The following CBLN1 variants were observed in gnomAD, a reference collection of about 807,000 sequenced individuals.
CBLN1 encodes the protein cerebellin 1 precursor, also known as cerebellin-1.
Under a neutral mutation model 15.9 loss-of-function variants are expected in CBLN1, and 5 were observed. That is an observed-to-expected ratio of 0.31 (90% CI 0.16 to 0.66). The LOEUF (loss-of-function observed/expected upper bound fraction) is 0.66, where lower values mean the gene tolerates loss of function less well. Among genes scored for constraint, CBLN1 ranks in the 30% least tolerant of loss-of-function variants. The probability of loss-of-function intolerance (pLI) is 0.75; values close to 1 mark genes in which losing one functional copy is unlikely to be tolerated. For synonymous variants in CBLN1, 90 were observed against 107.6 expected (o/e 0.84, Z 1.01); for missense variants, 164 against 253.7 (o/e 0.65, Z 2.40).
intron 2 of CBLN1, among the ~76,000 whole-genome samples, chr16:49,280,167 G>A (rs1201020717): frequency 1.3e-5 from 2 of 152,126 alleles, no homozygotes; most frequent in Non-Finnish European, 2.9e-5. Flanking sequence ...CAAACCACGG[G>A]CTCAATTCCC....
intron 2 of CBLN1, 138 bp from the exon 3 acceptor site, chr16:49,279,739 T>C (rs1242270820): frequency 5.1e-6 from 3 of 589,094 alleles, no homozygotes; most frequent in Non-Finnish European, 8.8e-6. Context: ...GGGGGGCGAA[T>C]GGAGGAAAAG....
chr16:49,279,460 A>G lies in CBLN1; in HGVS notation c.526T>C (p.Leu176=). ...RAYLKLERGN[L]MGGWKYSTFS... is the part of the protein sequence containing the mutation. Reference sequence around the variant, plus strand: ...GTCGAGTACTTCCAGCCCCCCATCAAGTTTCCCCGCTCCAGCTTGAGGTAT... The same window carrying G: ...GTCGAGTACTTCCAGCCCCCCATCAGGTTTCCCCGCTCCAGCTTGAGGTAT... The change falls in exon 3 of 3, where the codon TTG becomes CTG. Residue 176 remains leucine (L), a synonymous_variant. Coordinates refer to ENST00000219197, the MANE Select transcript of CBLN1 (RefSeq NM_004352.4). The G allele has an allele frequency of 6.2e-7, 1 of 1,614,088 alleles. No individual in the cohort carries two copies. Among genetic ancestry groups the G allele is most frequent in the South Asian group, 1.1e-5 (1 of 91,076 alleles).
rs929436186 is a variant in CBLN1 at position 49,279,587 on chromosome 16, T to C, written c.399A>G (p.Leu133=). ...NRQTIQVSLM[L]NGWPVISAFA... Reference sequence around the variant, plus strand: ...AGGCTGAAATCACCGGCCACCCGTTTAGCATGAGGCTCACCTGAGAAAGAG... The same window carrying C: ...AGGCTGAAATCACCGGCCACCCGTTCAGCATGAGGCTCACCTGAGAAAGAG... Residue 133 remains leucine (L), a synonymous_variant, in exon 3 of 3, where the codon CTA becomes CTG. Coordinates refer to ENST00000219197, the MANE Select transcript of CBLN1 (RefSeq NM_004352.4). The C allele has an allele frequency of 6.2e-7, 1 of 1,614,188 alleles. No individual in the cohort carries two copies. Among genetic ancestry groups the C allele is most frequent in the Non-Finnish European group, 8.5e-7 (1 of 1,180,044 alleles).
chr16:49,281,776 T>A lies in CBLN1; in HGVS notation c.-311A>T. The stretch of plus-strand genomic sequence containing the variant: ...GCCGCCTCCTGCCCGCACCCGCCGC[T>A]GCCGCCGCCGCCGCCGCTCTGAATT... On this transcript the variant is annotated 5_prime_UTR_variant, in exon 1 of 3. Coordinates refer to ENST00000219197, the MANE Select transcript of CBLN1 (RefSeq NM_004352.4). The A allele has an allele frequency of 7.7e-6, 2 of 258,080 alleles. No individual in the cohort carries two copies. The highest frequency in any genetic ancestry group is 1.4e-5 in the Non-Finnish European group (2 of 138,608). 16.0% of individuals were successfully genotyped at this position (258,080 alleles called of 1,614,324 possible).
Position 49,279,527 on chromosome 16 carries a change from G to C in CBLN1, c.459C>G (p.Ala153=). Residue 153 remains alanine, a synonymous_variant, in exon 3 of 3, where the codon GCC becomes GCG. Transcript: ENST00000219197. ...CCATTTGGATTAGGACTCCGTTGCT[G>C]GCGGCCTCCCGGGTCACGTCCTGGT... ...AGDQDVTREA[A]SNGVLIQMEK... 6.2e-7 allele frequency: 1 copy of C among 1,614,216 alleles called. No homozygotes were observed. Among genetic ancestry groups the C allele is most frequent in the African/African-American group, 1.3e-5 (1 of 75,054 alleles).
chr16:49,279,289 G>T lies in CBLN1; in HGVS notation c.*115C>A. 1.1e-6 allele frequency: 1 copy of T among 914,256 alleles called. No individual in the cohort carries two copies. Among genetic ancestry groups the T allele is most frequent in the South Asian group, 1.6e-5 (1 of 63,426 alleles). 56.6% of individuals were successfully genotyped at this position (914,256 alleles called of 1,614,324 possible). ...ACCTTTTTACCCAGATACAGTTAGA[G>T]AACATGTAGGAAGTTTCAAGTCGTG... is the stretch of plus-strand genomic sequence containing the variant. On this transcript the variant is annotated 3_prime_UTR_variant, in exon 3 of 3. Coordinates refer to ENST00000219197, the MANE Select transcript of CBLN1 (RefSeq NM_004352.4).
Position 49,279,462 on chromosome 16 carries a change from T to A in CBLN1, c.524A>T (p.Asn175Ile). ...DRAYLKLERG[N>I]LMGGWKYSTF... ...CGAGTACTTCCAGCCCCCCATCAAG[T>A]TTCCCCGCTCCAGCTTGAGGTATGC... is the stretch of plus-strand genomic sequence containing the variant. Residue 175 changes from asparagine to isoleucine, a missense_variant, in exon 3 of 3, where the codon AAC (asparagine) becomes ATC (isoleucine). Asn to Ile is a moderately radical substitution (Grantham distance 149, BLOSUM62 -3). Around this residue, in one of 3 missense-constraint regions of CBLN1, gnomAD observed 29 missense variants for 38.0 expected, o/e 0.76. Coordinates refer to ENST00000219197, the MANE Select transcript of CBLN1 (RefSeq NM_004352.4). The A allele has an allele frequency of 6.2e-7, 1 of 1,614,160 alleles. No individual in the cohort carries two copies. The highest frequency in any genetic ancestry group is 8.5e-7 in the Non-Finnish European group (1 of 1,180,030).
At chr16:49,280,826 G>T in intron 2 of CBLN1, 97 bp downstream of exon 2, 1 of 1,399,558 alleles carries the variant, frequency 7.1e-7, no homozygotes, top group Non-Finnish European at 1.0e-6. Context: ...AGTACATGCA[G>T]CCGCCACTTC....
At chr16:49,281,095 C>T in intron 1 of CBLN1, 53 bp from the exon 2 acceptor site, 1 of 1,614,118 alleles carries the variant, frequency 6.2e-7, no homozygotes, top group South Asian at 1.1e-5. Context: ...CCCGGACTGT[C>T]GTCCCCGCGC....
intron 2 of CBLN1, among the ~76,000 whole-genome samples, chr16:49,280,455 G>T (rs1470876654): frequency 6.6e-6 from 1 of 152,190 alleles, no homozygotes. Context: ...GTCCGCACGG[G>T]GTGGGGATTG....
chr16:49,280,581 T>C (rs566697538), intron 2 of CBLN1, among the ~76,000 whole-genome samples: 1 of 152,226 alleles, frequency 6.6e-6, no homozygotes, highest in East Asian at 1.9e-4. Flanking sequence ...CGGTGCTTCC[T>C]GGGGAGTCCG....
chr16:49,281,487 G>GC lies in CBLN1; in HGVS notation c.-23dup. On this transcript the variant is annotated 5_prime_UTR_variant, in exon 1 of 3. Coordinates refer to ENST00000219197, the MANE Select transcript of CBLN1 (RefSeq NM_004352.4). ...GCATCGCGCCGCCGGCGCCCACCCC[G>GC]CCCCCCACCCCCAGGGCTGCTCGCG... The GC allele has an allele frequency of 2.4e-6, 3 of 1,245,404 alleles. No individual in the cohort carries two copies. Among genetic ancestry groups the GC allele is most frequent in the Middle Eastern group, 2.9e-4 (1 of 3,488 alleles). The allele number at this position is 1,245,404 out of a possible 1,614,324, so 77.1% of individuals were successfully genotyped here.
intron 2 of CBLN1, 51 bp downstream of exon 2, chr16:49,280,872 G>A (rs1963269271): frequency 1.2e-6 from 2 of 1,612,054 alleles, no homozygotes; most frequent in African/African-American, 1.3e-5. Flanking sequence ...GCACCCCTGA[G>A]GCCAGTAACC....
At chr16:49,281,066 G>A in intron 1 of CBLN1, 24 bp from the exon 2 acceptor site, 1 of 1,614,248 alleles carries the variant, frequency 6.2e-7, no homozygotes, top group South Asian at 1.1e-5. Flanking sequence ...GGAACGAAGG[G>A]GAGTGGGCAG....
At chr16:49,280,063 T>A (rs1251087454) in intron 2 of CBLN1, among the ~76,000 whole-genome samples, 1 of 152,004 alleles carries the variant, frequency 6.6e-6, no homozygotes, top group Non-Finnish European at 1.5e-5. Context: ...AAGCCCCTGA[T>A]CCCTCCTGGA....
intron 2 of CBLN1, 110 bp downstream of exon 2, chr16:49,280,813 C>G: frequency 1.6e-6 from 2 of 1,245,276 alleles, no homozygotes; most frequent in Non-Finnish European, 2.3e-6. Context: ...CCAAGCAGCC[C>G]GAAGTACATG....
Position 49,279,593 on chromosome 16 carries a change from G to A in CBLN1, c.393C>T (p.Leu131=). ...AAATCACCGGCCACCCGTTTAGCAT[G>A]AGGCTCACCTGAGAAAGAGAAAGGC... ...VYNRQTIQVS[L]MLNGWPVISA... The change falls in exon 3 of 3, where the codon CTC becomes CTT. Residue 131 remains leucine (L), a synonymous_variant. Coordinates refer to ENST00000219197, the MANE Select transcript of CBLN1 (RefSeq NM_004352.4). The A allele has an allele frequency of 6.2e-7, 1 of 1,614,190 alleles. No homozygotes were observed. The highest frequency in any genetic ancestry group is 8.5e-7 in the Non-Finnish European group (1 of 1,180,034).
rs1427265536 is a variant in CBLN1, at chr16:49,281,610, G to C, written c.-145C>G. On this transcript the variant is annotated 5_prime_UTR_variant, in exon 1 of 3. Coordinates refer to ENST00000219197, the MANE Select transcript of CBLN1 (RefSeq NM_004352.4). Reference sequence around the variant, plus strand: ...GCTCTGGACACTACACCTCTTCCTCGCACTCCGGGACTAGCGTCCCCTCCG... The same window carrying C: ...GCTCTGGACACTACACCTCTTCCTCCCACTCCGGGACTAGCGTCCCCTCCG... The C allele has an allele frequency of 6.6e-6, 3 of 454,428 alleles. No homozygotes were observed. Among genetic ancestry groups the C allele is most frequent in the Non-Finnish European group, 7.2e-6 (2 of 276,324 alleles). The allele number at this position is 454,428 out of a possible 1,614,324, so 28.1% of individuals were successfully genotyped here. A position where few individuals can be genotyped will look rare whatever the true frequency, so the allele number is the denominator to read the frequency against.
Position 49,281,382 on chromosome 16 carries a change from G to C in CBLN1, c.84C>G (p.Ile28Met). 6.2e-7 allele frequency: 1 copy of C among 1,607,916 alleles called. No individual in the cohort carries two copies. The highest frequency in any genetic ancestry group is 8.5e-7 in the Non-Finnish European group (1 of 1,179,822). ...CCACCAGGCACTTGCCCTCCAGCAC[G>C]ATGGGCTCCGTCTCATTCTGCCCGC... ...PARGQNETEP[I>M]VLEGKCLVVC... Residue 28 changes from isoleucine (I) to methionine (M), a missense_variant, in exon 1 of 3, where the codon ATC becomes ATG. Physicochemically the swap from Ile to Met is conservative, Grantham distance 10. Coordinates refer to ENST00000219197, the MANE Select transcript of CBLN1 (RefSeq NM_004352.4).
Sources: gnomAD v4.1 joint callset for allele counts (sites outside exome capture counted in the v4.1 genomes callset) on GRCh38, gnomAD v4.1.1 for gene constraint, gnomAD v4.1.1 regional missense constraint, MANE v1.5 for transcripts, NCBI Gene and HGNC (gene_info 2026-07-23, HGNC 2026-07-21) for gene names.